Variants in ATP6V0A2 observed in about 807,000 individuals in gnomAD.
The protein encoded by ATP6V0A2 is ATPase H+ transporting V0 subunit a2.
ATP6V0A2 carries 58 observed loss-of-function variants against 104.4 expected under a neutral mutation model. The ratio of observed to expected loss-of-function variants is 0.56; its 90% CI spans 0.45 to 0.69. ATP6V0A2 has a LOEUF of 0.69. Among genes scored for constraint, ATP6V0A2 ranks in the 30% least tolerant of loss-of-function variants. The pLI is 0.00. For missense variants in ATP6V0A2, 938 were observed against 1,062.9 expected, an observed-to-expected ratio of 0.88 and a Z score of 1.63; for synonymous variants, 376 against 397.9, an observed-to-expected ratio of 0.95 and a Z score of 0.65.
At chr12:123,720,022 A>C (rs952828746) in intron 2 of ATP6V0A2, among the ~76,000 whole-genome samples, 2 of 152,146 alleles carry the variant, frequency 1.3e-5, no homozygotes, top group Non-Finnish European at 2.9e-5. Context: ...AGGTTCAATA[A>C]ACTTACTCAC....
intron 17 of ATP6V0A2, 42 bp downstream of exon 17, chr12:123,752,444 C>T: frequency 6.2e-7 from 1 of 1,608,462 alleles, no homozygotes; most frequent in East Asian, 2.2e-5. Flanking sequence ...AGATAAGTAA[C>T]CAAGCTTCCA....
In ATP6V0A2 at chr12:123,733,900, C is replaced by A; in HGVS notation, c.649-26C>A. On this transcript the variant is annotated intron_variant, in intron 6 of 19. Transcript: ENST00000330342. ...TAGAAGTTTATACACGCAGAAATAA[C>A]ACTTATCCTTATTCATTCTTTGTAG... 2.6e-6 allele frequency: 4 copies of A among 1,548,936 alleles called. No individual in the cohort carries two copies. The African/African-American group carries it at 4.1e-5, about 16-fold the overall frequency.
At chr12:123,724,361 T>A (rs2135887009) in intron 3 of ATP6V0A2, 5 of 278,534 alleles carry the variant, frequency 1.8e-5, no homozygotes, top group Middle Eastern at 2.4e-3. Context: ...TCGTCTCTAC[T>A]AACAATACAA....
intron 4 of ATP6V0A2, 88 bp downstream of exon 4, chr12:123,724,879 T>G (rs1378762562): frequency 9.4e-7 from 1 of 1,058,816 alleles, no homozygotes; most frequent in Admixed American, 1.8e-5. Context: ...TATTTTGCTA[T>G]TAGTTCATAT....
chr12:123,749,791 CCCT>C (rs1032932696), intron 15 of ATP6V0A2, among the ~76,000 whole-genome samples: 6 of 152,166 alleles, frequency 3.9e-5, no homozygotes, highest in African/African-American at 1.4e-4. Context: ...TCTGGGGAAA[CCCT>C]CCCAGTCGGT....
Position 123,757,986 on chromosome 12 carries a change from T to C in ATP6V0A2, c.2525T>C (p.Phe842Ser). ...GGCACCAAATTTGTTCCTTTCTCAT[T>C]CAGTCTACTTTCATCAAAGTTCAAT... is the stretch of plus-strand genomic sequence containing the variant. ...GAGTKFVPFS[F>S]SLLSSKFNND... The change falls in exon 20 of 20, where the codon TTC becomes TCC. Residue 842 changes from phenylalanine (F) to serine (S), a missense_variant. By Grantham distance (155) the Phe-to-Ser change is radical (BLOSUM62 -2). Coordinates refer to ENST00000330342, the MANE Select transcript of ATP6V0A2 (RefSeq NM_012463.4). The C allele has an allele frequency of 6.2e-7, 1 of 1,613,328 alleles. No individual in the cohort carries two copies.
chr12:123,757,034 G>A (rs753404301), intron 19 of ATP6V0A2, 48 bp downstream of exon 19: 175 of 1,595,792 alleles, frequency 1.1e-4, no homozygotes, highest in Non-Finnish European at 1.3e-4. Flanking sequence ...AAACATACCC[G>A]CCCCCCCACT....
At chr12:123,747,771 G>A (rs1214433897) in intron 14 of ATP6V0A2, 46 bp downstream of exon 14, 5 of 1,314,134 alleles carry the variant, frequency 3.8e-6, no homozygotes, top group Non-Finnish European at 5.5e-6. Context: ...ACCAAACTTG[G>A]CATTTCTTCA....
chr12:123,738,487 T>C (rs1301961041), intron 9 of ATP6V0A2, among the ~76,000 whole-genome samples: 1 of 152,232 alleles, frequency 6.6e-6, no homozygotes, highest in African/African-American at 2.4e-5. Context: ...TTGGCCTTTT[T>C]CTTACCAATT....
chr12:123,745,853 A>G (rs1956657402), intron 13 of ATP6V0A2, among the ~76,000 whole-genome samples: 1 of 152,174 alleles, frequency 6.6e-6, no homozygotes, highest in Non-Finnish European at 1.5e-5. Context: ...TTTCTGGAGA[A>G]TCAAAAGAAT....
chr12:123,750,968 T>A, intron 15 of ATP6V0A2, 142 bp from the exon 16 acceptor site: 1 of 1,129,406 alleles, frequency 8.9e-7, no homozygotes, highest in East Asian at 2.4e-5. Context: ...GAAAACCCGC[T>A]GGCAAGTGTA....
At chr12:123,740,803 G>A (rs141782018) in intron 9 of ATP6V0A2, among the ~76,000 whole-genome samples, 2 of 152,232 alleles carry the variant, frequency 1.3e-5, no homozygotes, top group African/African-American at 4.8e-5. Context: ...GGCAGTATGA[G>A]GAAGGGTTCT....
intron 18 of ATP6V0A2, among the ~76,000 whole-genome samples, chr12:123,755,168 G>A (rs1956751327): frequency 6.6e-6 from 1 of 152,166 alleles, no homozygotes; most frequent in Non-Finnish European, 1.5e-5. Context: ...ACCCACCAGT[G>A]GTGCTCGGCA....
At chr12:123,714,001 C>T (rs1388700780) in intron 1 of ATP6V0A2, among the ~76,000 whole-genome samples, 1 of 152,216 alleles carries the variant, frequency 6.6e-6, no homozygotes, top group African/African-American at 2.4e-5. Flanking sequence ...GCCACTTCTG[C>T]AGTTGTACCC....
intron 6 of ATP6V0A2, among the ~76,000 whole-genome samples, chr12:123,729,983 AT>A (rs1956485646): frequency 6.9e-6 from 1 of 144,410 alleles, no homozygotes; most frequent in Non-Finnish European, 1.5e-5. Context: ...CATCTGCTGA[AT>A]TTTTTTATTT....
chr12:123,761,533 A>T lies in ATP6V0A2; in HGVS notation c.*3501A>T, dbSNP rs1956824970. The T allele has an allele frequency of 6.6e-6, 1 of 152,170 alleles. No individual in the cohort carries two copies. The highest frequency in any genetic ancestry group is 1.5e-5 in the Non-Finnish European group (1 of 68,028). 9.4% of individuals were successfully genotyped at this position (152,170 alleles called of 1,614,324 possible). ...GATTTGGTTTAGAATTTTCAGAAAT[A>T]CTTAGTACACTCCACCTGTTCTTTG... On this transcript the variant is annotated 3_prime_UTR_variant, in exon 20 of 20. Coordinates refer to ENST00000330342, the MANE Select transcript of ATP6V0A2 (RefSeq NM_012463.4).
rs569689085 is a variant in ATP6V0A2, at chr12:123,757,038, C to T, written c.2465+52C>T. 7.5e-6 allele frequency: 12 copies of T among 1,592,282 alleles called. No individual in the cohort carries two copies. In the African/African-American group the frequency reaches 9.4e-5, roughly 12 times the overall value. On this transcript the variant is annotated intron_variant, in intron 19 of 19. Coordinates refer to ENST00000330342, the MANE Select transcript of ATP6V0A2 (RefSeq NM_012463.4). ...TGTTATTTAAAAAACATACCCGCCC[C>T]CCCACTGCCCCGCCCAACCAAATAT...
chr12:123,748,509 T>G, intron 14 of ATP6V0A2, 66 bp from the exon 15 acceptor site: 1 of 1,231,392 alleles, frequency 8.1e-7, no homozygotes, highest in South Asian at 1.2e-5. Context: ...TGCAGAGAGT[T>G]TAATTTACTC....
At position 123,744,700 on chromosome 12, in the gene ATP6V0A2, A is replaced by T. The variant is rs532258057; in HGVS notation, c.1430A>T (p.Asn477Ile). Residue 477 changes from asparagine to isoleucine, a missense_variant, in exon 12 of 20, where the codon AAC becomes ATC. By Grantham distance (149) the Asn-to-Ile change is moderately radical (BLOSUM62 -3). Transcript: ENST00000330342. The surrounding 1 kb of genome is among the most constrained non-coding windows in gnomAD (Gnocchi z 5.4). ...AACGACTGCTTTTCAAAGTCAGTCA[A>T]CCTGTTCGGCTCTGGGTGGAACGTG... ...IYNDCFSKSV[N>I]LFGSGWNVSA... 48 of 1,614,144 alleles carry T rather than the reference A, an allele frequency of 3.0e-5. No individual in the cohort carries two copies. In the African/African-American group the frequency reaches 6.0e-4, roughly 20 times the overall value.
Sources: gnomAD v4.1 joint callset for allele counts (sites outside exome capture counted in the v4.1 genomes callset) on GRCh38, gnomAD v4.1.1 for gene constraint, Gnocchi (gnomAD v3.1) non-coding constraint, MANE v1.5 for transcripts, NCBI Gene and HGNC (gene_info 2026-07-23, HGNC 2026-07-21) for gene names.